The following B3GALT1 variants were observed in gnomAD, a reference collection of about 807,000 sequenced individuals.
The protein encoded by B3GALT1 is beta-1,3-galactosyltransferase 1.
A neutral mutation model predicts 23.2 loss-of-function variants in B3GALT1; 10 were observed. The ratio of observed to expected loss-of-function variants is 0.43; its 90% CI spans 0.27 to 0.73. The LOEUF (loss-of-function observed/expected upper bound fraction) is 0.73. B3GALT1 is among the 30% of genes least tolerant of loss of function. The pLI, the probability that B3GALT1 is intolerant of heterozygous loss-of-function variation, is 0.21. For missense variants in B3GALT1, 299 were observed against 405.4 expected (o/e 0.74, Z 2.25); for synonymous variants, 156 against 141.5 (o/e 1.10, Z -0.73).
intron 2 of B3GALT1, among the ~76,000 whole-genome samples, chr2:167,609,185 T>C (rs16853955): frequency 0.011 from 1,685 of 152,286 alleles, 38 homozygotes; most frequent in African/African-American, 0.038. Context: ...TAATTTTAGA[T>C]ATTTAAGCTG....
At chr2:167,549,597 G>A (rs1247455543) in intron 2 of B3GALT1, among the ~76,000 whole-genome samples, 2 of 152,064 alleles carry the variant, frequency 1.3e-5, no homozygotes, top group Non-Finnish European at 2.9e-5. Context: ...ACCTATACCT[G>A]ACAAGTGTGC....
chr2:167,603,813 A>T (rs1684914536), intron 2 of B3GALT1, among the ~76,000 whole-genome samples: 2 of 151,936 alleles, frequency 1.3e-5, no homozygotes, highest in Non-Finnish European at 2.9e-5. Flanking sequence ...CATCACATAG[A>T]TGCAGGCAGC....
intron 3 of B3GALT1, among the ~76,000 whole-genome samples, chr2:167,716,709 T>G (rs1224591061): frequency 6.6e-6 from 1 of 152,218 alleles, no homozygotes; most frequent in African/African-American, 2.4e-5. Flanking sequence ...AGCCTGACAT[T>G]TTTTGTTTTC....
At position 167,869,057 on chromosome 2, in the gene B3GALT1, C is replaced by T; in HGVS notation, c.18C>T (p.Ser6=). 6.2e-7 allele frequency: 1 copy of T among 1,608,700 alleles called. No individual in the cohort carries two copies. The highest frequency in any genetic ancestry group is 8.5e-7 in the Non-Finnish European group (1 of 1,176,976). Residue 6 remains serine, a synonymous_variant, in exon 5 of 5, where the codon TCC becomes TCT. Coordinates refer to ENST00000392690, the MANE Select transcript of B3GALT1 (RefSeq NM_020981.4). This position sits in a 1 kb window ranked among gnomAD's most constrained non-coding sequence, Gnocchi z 6.4. ...TCAAGACAATGGCTTCAAAGGTCTC[C>T]TGTTTGTATGTTTTGACAGTTGTGT... MASKV[S]CLYVLTVVCW...
At chr2:167,538,474 A>G (rs957173279) in intron 2 of B3GALT1, among the ~76,000 whole-genome samples, 1 of 152,196 alleles carries the variant, frequency 6.6e-6, no homozygotes, top group Non-Finnish European at 1.5e-5. Context: ...AATATTGGTG[A>G]GGACACATTA....
At chr2:167,339,712 T>C (rs748640247) in intron 1 of B3GALT1, among the ~76,000 whole-genome samples, 1 of 151,700 alleles carries the variant, frequency 6.6e-6, no homozygotes, top group African/African-American at 2.4e-5. Context: ...AATATAAGCT[T>C]CCCATTTCGA....
intron 3 of B3GALT1, among the ~76,000 whole-genome samples, chr2:167,750,416 G>C (rs1474179249): frequency 3.3e-5 from 5 of 152,112 alleles, no homozygotes; most frequent in Admixed American, 6.6e-5. Flanking sequence ...TCTCAAGCTT[G>C]CTCCTCTCTT....
chr2:167,455,583 G>A (rs944927117), intron 1 of B3GALT1, among the ~76,000 whole-genome samples: 2 of 151,912 alleles, frequency 1.3e-5, no homozygotes, highest in African/African-American at 2.4e-5. Context: ...GTGCGATCTC[G>A]GCTCACTGCA....
chr2:167,492,485 G>A (rs1417081842), intron 2 of B3GALT1, among the ~76,000 whole-genome samples: 4 of 152,068 alleles, frequency 2.6e-5, no homozygotes, highest in African/African-American at 4.8e-5. Context: ...ACTCATTTAG[G>A]TATATACAAA....
At chr2:167,735,500 G>A (rs1294149196) in intron 3 of B3GALT1, among the ~76,000 whole-genome samples, 2 of 152,186 alleles carry the variant, frequency 1.3e-5, no homozygotes, top group East Asian at 3.8e-4. Flanking sequence ...AGCAGGAACT[G>A]CTTATGTTTG....
In B3GALT1 at chr2:167,432,458, A is replaced by C. The variant is rs972669734; in HGVS notation, c.-510-57719A>C. The stretch of plus-strand genomic sequence containing the variant: ...CAAAGACAGGGAAGAAAGCATGCAG[A>C]GACAAAGTTGGCCTGCTGGGATCAT... On this transcript the variant is annotated intron_variant, in intron 1 of 4. Coordinates refer to ENST00000392690, the MANE Select transcript of B3GALT1 (RefSeq NM_020981.4). 8.5e-5 allele frequency among the ~76,000 whole-genome samples: 13 copies of C among 152,308 alleles called. No homozygotes were observed. In the South Asian group the frequency reaches 2.5e-3, roughly 29 times the overall value.
Position 167,402,964 on chromosome 2 carries a change from C to T in B3GALT1, c.-510-87213C>T, listed in dbSNP as rs185472762. 3.9e-3 allele frequency among the ~76,000 whole-genome samples: 599 copies of T among 152,112 alleles called. 2 individuals are homozygous for T. Among genetic ancestry groups the T allele is most frequent in the Non-Finnish European group, 6.5e-3 (439 of 67,998 alleles). The stretch of plus-strand genomic sequence containing the variant: ...GGAGGACACTCCCATCCCCACTCCC[C>T]CACCCCCGATTGCATTCACCTCTAA... On this transcript the variant is annotated intron_variant, in intron 1 of 4. Coordinates refer to ENST00000392690, the MANE Select transcript of B3GALT1 (RefSeq NM_020981.4).
intron 2 of B3GALT1, among the ~76,000 whole-genome samples, chr2:167,577,845 T>G (rs556860079): frequency 3.3e-5 from 5 of 152,002 alleles, no homozygotes; most frequent in Non-Finnish European, 7.4e-5. Flanking sequence ...CTAGCTACTC[T>G]ATATTAATTT....
At chr2:167,752,106 AT>A (rs930460932) in intron 3 of B3GALT1, among the ~76,000 whole-genome samples, 1 of 152,038 alleles carries the variant, frequency 6.6e-6, no homozygotes, top group Non-Finnish European at 1.5e-5. Context: ...GAACTTTTAC[AT>A]TGTAAAAAGA....
At chr2:167,440,120 G>T (rs1698855881) in intron 1 of B3GALT1, among the ~76,000 whole-genome samples, 1 of 151,808 alleles carries the variant, frequency 6.6e-6, no homozygotes, top group Non-Finnish European at 1.5e-5. Context: ...GAGGCGGGCG[G>T]ATCACGAGGT....
intron 2 of B3GALT1, among the ~76,000 whole-genome samples, chr2:167,619,518 G>A (rs73015410): frequency 0.087 from 13,197 of 152,052 alleles, 1,268 homozygotes; most frequent in African/African-American, 0.24. Context: ...GTATCTGAAT[G>A]TATTTTTAAA....
At chr2:167,560,451 A>C (rs1308611203) in intron 2 of B3GALT1, among the ~76,000 whole-genome samples, 4 of 152,208 alleles carry the variant, frequency 2.6e-5, no homozygotes, top group Non-Finnish European at 5.9e-5. Flanking sequence ...ATTCACACAT[A>C]ACAATATTAA....
chr2:167,799,050 G>A (rs568413950), intron 3 of B3GALT1, among the ~76,000 whole-genome samples: 16 of 152,270 alleles, frequency 1.1e-4, no homozygotes, highest in African/African-American at 3.6e-4. Context: ...CTGTCTTAAT[G>A]TTTCGAGGTG....
intron 1 of B3GALT1, among the ~76,000 whole-genome samples, chr2:167,477,344 G>A (rs145723789): frequency 1.3e-5 from 2 of 152,238 alleles, no homozygotes; most frequent in East Asian, 1.9e-4. Flanking sequence ...CACACCCTGT[G>A]CCTGGCTACA....
Sources: allele counts gnomAD v4.1 joint callset (sites outside exome capture counted in the v4.1 genomes callset), GRCh38; gene constraint gnomAD v4.1.1; non-coding constraint Gnocchi (gnomAD v3.1); transcripts MANE v1.5; gene names NCBI Gene and HGNC (gene_info 2026-07-23, HGNC 2026-07-21).